TCOF1: variants seen among roughly 807,000 people sequenced by gnomAD.
The protein encoded by TCOF1 is treacle ribosome biogenesis factor 1, also known as treacle protein.
TCOF1 carries 33 observed loss-of-function variants against 149.0 expected under a neutral mutation model. The ratio of observed to expected loss-of-function variants is 0.22; its 90% CI spans 0.17 to 0.30. TCOF1 has a LOEUF of 0.30. Among genes scored for constraint, TCOF1 ranks in the 10% least tolerant of loss-of-function variants. TCOF1 has a pLI of 1.00. For missense variants in TCOF1, 1,728 were observed against 1,840.7 expected, an observed-to-expected ratio of 0.94 and a Z score of 1.12; for synonymous variants, 789 against 738.8, an observed-to-expected ratio of 1.07 and a Z score of -1.10.
intron 23 of TCOF1, chr5:150,394,917 A>G (rs1385788505): frequency 3.1e-5 from 1 of 32,386 alleles, no homozygotes; most frequent in Non-Finnish European, 6.9e-5. Flanking sequence ...ACTCTGTCTC[A>G]AAAAAAAAAA....
At chr5:150,380,276 AT>A in intron 17 of TCOF1, 2 of 174,536 alleles carry the variant, frequency 1.1e-5, no homozygotes, top group South Asian at 1.3e-4. Context: ...TCCTGGGTCT[AT>A]ATCTAGGTCG....
In TCOF1 at chr5:150,375,248, G is replaced by T; in HGVS notation, c.1488+85G>T. The T allele has an allele frequency of 5.6e-6, 9 of 1,607,908 alleles. No homozygotes were observed. In the Admixed American group the frequency reaches 1.0e-4, roughly 18 times the overall value. ...TTGACTTTTCCTCTCTGAACCTAGAGCCCTGTGCGGCTGGCTTCGTTTGCT... is the reference window on the plus strand; with the variant it reads ...TTGACTTTTCCTCTCTGAACCTAGATCCCTGTGCGGCTGGCTTCGTTTGCT... On this transcript the variant is annotated intron_variant, in intron 10 of 26. Transcript: ENST00000643257.
intron 3 of TCOF1, among the ~76,000 whole-genome samples, chr5:150,365,813 A>AT (rs1322469032): frequency 4.0e-5 from 6 of 151,870 alleles, no homozygotes; most frequent in Non-Finnish European, 8.8e-5. Context: ...ATGTAATTTT[A>AT]TTTTTTTAAA....
At chr5:150,389,125 A>G (rs544815338) in intron 18 of TCOF1, among the ~76,000 whole-genome samples, 49 of 152,296 alleles carry the variant, frequency 3.2e-4, no homozygotes, top group Admixed American at 2.1e-3. Context: ...ATACTTATAC[A>G]TATATGTGTG....
chr5:150,379,790 G>T lies in TCOF1; in HGVS notation c.2859+58G>T, dbSNP rs1271187571. The T allele has an allele frequency of 1.1e-5, 18 of 1,580,264 alleles. No homozygotes were observed. The African/African-American group carries it at 2.4e-4, about 21-fold the overall frequency. ...CTCACTCCTCAGAACGGGGGTATAG[G>T]GCTGGGCGTGGTGGCTCACACCTGT... On this transcript the variant is annotated intron_variant, in intron 17 of 26. Transcript: ENST00000643257.
intron 14 of TCOF1, among the ~76,000 whole-genome samples, chr5:150,377,371 C>G (rs1311030462): frequency 1.3e-5 from 2 of 152,174 alleles, no homozygotes; most frequent in Non-Finnish European, 2.9e-5. Flanking sequence ...AGCAAGGGAG[C>G]TGCACACAGC....
rs147186583 is a variant in TCOF1, at chr5:150,372,080, G to A, written c.714G>A (p.Ala238=). The change falls in exon 7 of 27, where the codon GCG becomes GCA. Residue 238 remains alanine, a synonymous_variant. Coordinates refer to ENST00000643257, the MANE Select transcript of TCOF1 (RefSeq NM_001371623.1). The part of the protein sequence containing the change: ...VSTKESPARK[A]APAPGKVGDV... ...CTAAGGAGTCTCCAGCAAGAAAGGC[G>A]GCCCCAGCCCCTGGGAAGGTGGGGG... is the stretch of plus-strand genomic sequence containing the variant. 2.2e-5 allele frequency: 36 copies of A among 1,614,234 alleles called. No individual in the cohort carries two copies. Among genetic ancestry groups the A allele is most frequent in the African/African-American group, 1.7e-4 (13 of 75,064 alleles).
In TCOF1 at chr5:150,376,464, A is replaced by C. The variant is rs768506754; in HGVS notation, c.2184A>C (p.Ser728=). Residue 728 remains serine, a synonymous_variant, in exon 14 of 27, where the codon TCA becomes TCC. Transcript: ENST00000643257. The part of the protein sequence containing the change: ...VGKGLQVKAA[S]VPVKGSLGQG... The stretch of plus-strand genomic sequence containing the variant: ...AAGGCCTCCAGGTGAAAGCAGCCTC[A>C]GTGCCTGTCAAGGGGTCCTTGGGGC... 63 of 1,614,062 alleles carry C rather than the reference A, an allele frequency of 3.9e-5. No homozygotes were observed. The highest frequency in any genetic ancestry group is 8.5e-7 in the Non-Finnish European group (1 of 1,180,024).
In TCOF1 at chr5:150,375,807, C is replaced by G. The variant is rs139505033; in HGVS notation, c.1791C>G (p.Val597=). ...GPPQKAGPVA[V]QVKAEKPMDN... ...CTCAGAAGGCAGGGCCTGTAGCCGT[C>G]CAGGTCAAGGCTGAAAAGCCCATGG... is the stretch of plus-strand genomic sequence containing the variant. The change falls in exon 12 of 27, where the codon GTC becomes GTG. Residue 597 remains valine, a synonymous_variant. Coordinates refer to ENST00000643257, the MANE Select transcript of TCOF1 (RefSeq NM_001371623.1). 1 of 1,614,208 alleles carries G rather than the reference C, an allele frequency of 6.2e-7. No individual in the cohort carries two copies. The highest frequency in any genetic ancestry group is 1.1e-5 in the South Asian group (1 of 91,088).
At chr5:150,367,280 G>C (rs1761570529) in intron 3 of TCOF1, among the ~76,000 whole-genome samples, 1 of 152,198 alleles carries the variant, frequency 6.6e-6, no homozygotes, top group Non-Finnish European at 1.5e-5. Context: ...ACTCCAGCCT[G>C]GGCGACAGAG....
chr5:150,358,839 A>T (rs1759311323), intron 1 of TCOF1, among the ~76,000 whole-genome samples: 1 of 151,940 alleles, frequency 6.6e-6, no homozygotes, highest in Non-Finnish European at 1.5e-5. Flanking sequence ...TCTGCCTCAA[A>T]AAAAAAAGAG....
Position 150,376,310 on chromosome 5 carries a change from C to T in TCOF1, c.2122C>T (p.Leu708Phe), listed in dbSNP as rs780423561. ...AGATAGTGAGGAAGAGAAGACAGGT[C>T]TTGCAGTAACCGTGGGACAGGTGAG... ...ESDSEEEKTG[L>F]AVTVGQAKSV... is the part of the protein sequence containing the mutation. Residue 708 changes from leucine (L) to phenylalanine (F), a missense_variant, in exon 13 of 27, where the codon CTT becomes TTT. Leu to Phe is a conservative substitution (Grantham distance 22). Coordinates refer to ENST00000643257, the MANE Select transcript of TCOF1 (RefSeq NM_001371623.1). 1.2e-6 allele frequency: 2 copies of T among 1,614,134 alleles called. No homozygotes were observed. Among genetic ancestry groups the T allele is most frequent in the Middle Eastern group, 1.6e-4 (1 of 6,062 alleles).
rs1763776858 is a variant in TCOF1, at chr5:150,376,257, C to T, written c.2069C>T (p.Ala690Val). The T allele has an allele frequency of 6.2e-7, 1 of 1,614,204 alleles. No homozygotes were observed. The highest frequency in any genetic ancestry group is 8.5e-7 in the Non-Finnish European group (1 of 1,180,024). Residue 690 changes from alanine to valine, a missense_variant, in exon 13 of 27, where the codon GCA becomes GTA. Transcript: ENST00000643257. ...PAVAGGTQRP[A>V]EDSSSSEESD... Reference sequence around the variant, plus strand: ...GTGGCTGGGGGCACCCAGAGACCAGCAGAGGATTCTTCAAGCAGTGAGGAA... The same window carrying T: ...GTGGCTGGGGGCACCCAGAGACCAGTAGAGGATTCTTCAAGCAGTGAGGAA...
Position 150,369,577 on chromosome 5 carries a change from G to T in TCOF1, c.614G>T (p.Ser205Ile). 1 of 1,614,152 alleles carries T rather than the reference G, an allele frequency of 6.2e-7. No homozygotes were observed. Among genetic ancestry groups the T allele is most frequent in the East Asian group, 2.2e-5 (1 of 44,874 alleles). The change falls in exon 6 of 27, where the codon AGC becomes ATC. Residue 205 changes from serine (S) to isoleucine (I), a missense_variant. By Grantham distance (142) the Ser-to-Ile change is moderately radical (BLOSUM62 -2). Around this residue, in one of 2 missense-constraint regions of TCOF1, gnomAD observed 1,696 missense variants for 1,765.4 expected, o/e 0.96. Transcript: ENST00000643257. ...QADSSSEDTS[S>I]SSDETDVEGK... is the part of the protein sequence containing the mutation. ...GACAGCTCCAGCGAGGACACCTCCA[G>T]CTCCAGTGATGAGACAGACGTGGAG...
rs1470863616 is a variant in TCOF1 at position 150,391,597 on chromosome 5, C to T, written c.3237C>T (p.Val1079=). ...SLPLTQAALK[V]LAQKASEAQP... Reference sequence around the variant, plus strand: ...CACTGACCCAGGCTGCCCTGAAGGTCCTCGCCCAGAAAGCCAGTGAGGCTC... The same window carrying T: ...CACTGACCCAGGCTGCCCTGAAGGTTCTCGCCCAGAAAGCCAGTGAGGCTC... Residue 1079 remains valine, a synonymous_variant, in exon 20 of 27, where the codon GTC becomes GTT. Coordinates refer to ENST00000643257, the MANE Select transcript of TCOF1 (RefSeq NM_001371623.1). 3 of 1,614,020 alleles carry T rather than the reference C, an allele frequency of 1.9e-6. No homozygotes were observed. The highest frequency in any genetic ancestry group is 2.5e-6 in the Non-Finnish European group (3 of 1,180,048).
chr5:150,361,690 G>A (rs1231555318), intron 2 of TCOF1, among the ~76,000 whole-genome samples: 2 of 152,200 alleles, frequency 1.3e-5, no homozygotes, highest in African/African-American at 4.8e-5. Flanking sequence ...GGTAAGTCTG[G>A]CTTCATCTGG....
intron 2 of TCOF1, among the ~76,000 whole-genome samples, chr5:150,362,197 A>G (rs1581029219): frequency 6.6e-6 from 1 of 152,204 alleles, no homozygotes; most frequent in African/African-American, 2.4e-5. Flanking sequence ...AAAGATTTCA[A>G]TGACATGTTG....
chr5:150,383,991 A>G, intron 17 of TCOF1: 1 of 1,397,840 alleles, frequency 7.2e-7, no homozygotes, highest in Non-Finnish European at 9.3e-7. Flanking sequence ...GTCCTCCTCT[A>G]GCCCCAAGCT....
In TCOF1 at chr5:150,357,752, C is replaced by T. The variant is rs906956133; in HGVS notation, c.6C>T (p.Ala2=). The T allele has an allele frequency of 1.3e-6, 2 of 1,549,064 alleles. No individual in the cohort carries two copies. Among genetic ancestry groups the T allele is most frequent in the Middle Eastern group, 1.8e-4 (1 of 5,676 alleles). M[A]EARKRRELLP... ...GCCGGCCGGGGGTCGCGGGTATGGCCGAGGCCAGGAAGCGGCGGGAGCTAC... is the reference window on the plus strand; with the variant it reads ...GCCGGCCGGGGGTCGCGGGTATGGCTGAGGCCAGGAAGCGGCGGGAGCTAC... The change falls in exon 1 of 27, where the codon GCC becomes GCT. Residue 2 remains alanine, a synonymous_variant. Coordinates refer to ENST00000643257, the MANE Select transcript of TCOF1 (RefSeq NM_001371623.1).
Sources: allele counts gnomAD v4.1 joint callset (sites outside exome capture counted in the v4.1 genomes callset), GRCh38; gene constraint gnomAD v4.1.1; regional missense constraint gnomAD v4.1.1; transcripts MANE v1.5; gene names NCBI Gene and HGNC (gene_info 2026-07-23, HGNC 2026-07-21).